SLC2A13: variants seen among roughly 807,000 people sequenced by gnomAD.
SLC2A13 encodes the protein proton myo-inositol cotransporter.
Under a neutral mutation model 64.4 loss-of-function variants are expected in SLC2A13, and 32 were observed. The observed-to-expected ratio is 0.50, with a 90% confidence interval of 0.37 to 0.67. The LOEUF (loss-of-function observed/expected upper bound fraction) is 0.67, where lower values mean the gene tolerates loss of function less well. Among genes scored for constraint, SLC2A13 ranks in the 30% least tolerant of loss-of-function variants. The probability of loss-of-function intolerance (pLI) is 0.00; values close to 1 mark genes in which losing one functional copy is unlikely to be tolerated. For synonymous variants in SLC2A13, 338 were observed against 327.1 expected, an observed-to-expected ratio of 1.03 and a Z score of -0.36; for missense variants, 743 against 829.2, an observed-to-expected ratio of 0.90 and a Z score of 1.28.
At chr12:39,835,844 T>C (rs916120002) in intron 6 of SLC2A13, 2 of 152,116 alleles carry the variant, frequency 1.3e-5, no homozygotes, top group Non-Finnish European at 2.9e-5. Context: ...AGGGGGTAGA[T>C]GAATTGACGT....
chr12:39,887,634 C>G (rs189419234), intron 4 of SLC2A13, among the ~76,000 whole-genome samples: 1 of 152,330 alleles, frequency 6.6e-6, no homozygotes, highest in Admixed American at 6.5e-5. Flanking sequence ...CTTCTTACAG[C>G]TTCTTCTATT....
chr12:39,966,158 G>A (rs1946510142), intron 3 of SLC2A13, among the ~76,000 whole-genome samples: 1 of 151,634 alleles, frequency 6.6e-6, no homozygotes, highest in South Asian at 2.1e-4. Flanking sequence ...GAGAGGTGGG[G>A]TATGTGTGTG....
chr12:39,972,018 TTTTTTATATAA>T (rs1565569190), intron 3 of SLC2A13, among the ~76,000 whole-genome samples: 1 of 41,698 alleles, frequency 2.4e-5, no homozygotes, highest in Non-Finnish European at 5.2e-5. Flanking sequence ...ATATATATTT[TTTTTTATATAA>T]ATATATATAT....
At chr12:39,760,953 A>AACACACAC (rs71449492) in intron 9 of SLC2A13, among the ~76,000 whole-genome samples, 2,104 of 101,576 alleles carry the variant, frequency 0.021, 119 homozygotes, top group African/African-American at 0.07. Flanking sequence ...GTCTCTACCA[A>AACACACAC]ACACACACAC....
intron 1 of SLC2A13, chr12:40,068,112 GT>G (rs1937808139): frequency 5.5e-6 from 1 of 182,844 alleles, no homozygotes; most frequent in East Asian, 1.8e-4. Context: ...GTCTCACTAT[GT>G]TGCCCAGGGT....
intron 1 of SLC2A13, among the ~76,000 whole-genome samples, chr12:40,079,376 G>T (rs1477640265): frequency 6.6e-6 from 1 of 152,194 alleles, no homozygotes; most frequent in Non-Finnish European, 1.5e-5. Context: ...CTACACAAAA[G>T]TCATTCAGGG....
At chr12:39,920,187 A>AT in intron 4 of SLC2A13, among the ~76,000 whole-genome samples, 1 of 152,230 alleles carries the variant, frequency 6.6e-6, no homozygotes, top group Admixed American at 6.5e-5. Flanking sequence ...ATGTATGTAT[A>AT]TGTGTATGTG....
chr12:40,005,939 T>C (rs1947409612), intron 3 of SLC2A13, among the ~76,000 whole-genome samples: 1 of 152,226 alleles, frequency 6.6e-6, no homozygotes, highest in African/African-American at 2.4e-5. Flanking sequence ...AGAATCTGAT[T>C]TCACAGTTTT....
At chr12:39,766,255 C>T (rs750947255) in intron 7 of SLC2A13, among the ~76,000 whole-genome samples, 1 of 152,052 alleles carries the variant, frequency 6.6e-6, no homozygotes, top group Non-Finnish European at 1.5e-5. Context: ...GGAGATATTG[C>T]GAGGTCAGTT....
chr12:39,899,438 G>A (rs769084541), intron 4 of SLC2A13, among the ~76,000 whole-genome samples: 4 of 152,062 alleles, frequency 2.6e-5, no homozygotes, highest in African/African-American at 4.8e-5. Flanking sequence ...CCAGCTCCTG[G>A]ATTCATTAAC....
chr12:39,839,735 C>A (rs143762011), intron 6 of SLC2A13, among the ~76,000 whole-genome samples: 1 of 152,036 alleles, frequency 6.6e-6, no homozygotes, highest in African/African-American at 2.4e-5. Context: ...CTTTACATGA[C>A]CATTGCTATA....
chr12:39,901,895 A>G (rs2136018414), intron 4 of SLC2A13, among the ~76,000 whole-genome samples: 1 of 151,878 alleles, frequency 6.6e-6, no homozygotes, highest in Admixed American at 6.6e-5. Flanking sequence ...ATGCACACGT[A>G]TGTTTATTGC....
rs185867162 is a variant in SLC2A13, at chr12:39,951,086, A to T, written c.1034+171T>A. 72 of 510,680 alleles carry T rather than the reference A, an allele frequency of 1.4e-4. No homozygotes were observed. The Admixed American group carries it at 2.6e-3, about 19-fold the overall frequency. The allele number at this position is 510,680 out of a possible 1,614,324, so 31.6% of individuals were successfully genotyped here. On this transcript the variant is annotated intron_variant, in intron 4 of 9. Transcript: ENST00000280871. Reference sequence around the variant, plus strand: ...AAATAAATCACCTTTATCTAGTAACAAATTACTGGAATTAAAAAATTGTAA... The same window carrying T: ...AAATAAATCACCTTTATCTAGTAACTAATTACTGGAATTAAAAAATTGTAA...
intron 1 of SLC2A13, among the ~76,000 whole-genome samples, chr12:40,073,435 T>A (rs973432362): frequency 6.6e-6 from 1 of 152,164 alleles, no homozygotes; most frequent in Non-Finnish European, 1.5e-5. Flanking sequence ...TTGCTACTAT[T>A]TTCAATAAAG....
Position 39,985,007 on chromosome 12 carries a change from A to T in SLC2A13, c.926-33642T>A, listed in dbSNP as rs146525752. Among the ~76,000 whole-genome samples the T allele has an allele frequency of 1.4e-3, 211 of 152,252 alleles. No individual in the cohort carries two copies. In the Middle Eastern group the frequency reaches 0.017, roughly 12 times the overall value. ...GAGAATATCATAACTAGAATACCAA[A>T]CCCACCAGTTTGCTTCTGTTACCTA... is the stretch of plus-strand genomic sequence containing the variant. On this transcript the variant is annotated intron_variant, in intron 3 of 9. Coordinates refer to ENST00000280871, the MANE Select transcript of SLC2A13 (RefSeq NM_052885.4).
chr12:40,050,124 T>A (rs1347810144), intron 1 of SLC2A13, among the ~76,000 whole-genome samples: 1 of 152,240 alleles, frequency 6.6e-6, no homozygotes, highest in Non-Finnish European at 1.5e-5. Flanking sequence ...GCTGCAAATG[T>A]TGACACGGGA....
intron 1 of SLC2A13, among the ~76,000 whole-genome samples, chr12:40,086,020 G>C (rs776010635): frequency 3.3e-5 from 5 of 152,134 alleles, no homozygotes; most frequent in Non-Finnish European, 7.3e-5. Context: ...TGTATTTTTA[G>C]TAGCGACAGG....
intron 7 of SLC2A13, among the ~76,000 whole-genome samples, chr12:39,825,873 T>G (rs1942654907): frequency 6.6e-6 from 1 of 152,162 alleles, no homozygotes; most frequent in Non-Finnish European, 1.5e-5. Context: ...ATCTGTTTAG[T>G]TATTAATTTT....
At chr12:39,940,606 T>C (rs1407664953) in intron 4 of SLC2A13, among the ~76,000 whole-genome samples, 1 of 152,168 alleles carries the variant, frequency 6.6e-6, no homozygotes, top group East Asian at 1.9e-4. Context: ...CCAGAAAACT[T>C]AAGAACCTGA....
Sources: gnomAD v4.1 joint callset for allele counts (sites outside exome capture counted in the v4.1 genomes callset) on GRCh38, gnomAD v4.1.1 for gene constraint, MANE v1.5 for transcripts, NCBI Gene and HGNC (gene_info 2026-07-23, HGNC 2026-07-21) for gene names.